The following MARK3 variants were observed in gnomAD, a reference collection of about 807,000 sequenced individuals.
The protein encoded by MARK3 is MAP/microtubule affinity-regulating kinase 3.
Under a neutral mutation model 90.1 loss-of-function variants are expected in MARK3, and 46 were observed. The ratio of observed to expected loss-of-function variants is 0.51; its 90% CI spans 0.40 to 0.65. MARK3 has a LOEUF of 0.65. Ranked by LOEUF, MARK3 falls within the 30% of genes least tolerant of loss-of-function variation. The probability of loss-of-function intolerance (pLI) is 0.00; values close to 1 mark genes in which losing one functional copy is unlikely to be tolerated. For synonymous variants in MARK3, 321 were observed against 332.6 expected, an observed-to-expected ratio of 0.97 and a Z score of 0.38; for missense variants, 818 against 947.2, an observed-to-expected ratio of 0.86 and a Z score of 1.79.
intron 1 of MARK3, among the ~76,000 whole-genome samples, chr14:103,401,603 G>A (rs2090970772): frequency 6.6e-6 from 1 of 152,138 alleles, no homozygotes; most frequent in South Asian, 2.1e-4. Flanking sequence ...TTAAGCACAG[G>A]CAACTAAATG....
intron 12 of MARK3, chr14:103,469,062 G>C (rs1252450655): frequency 6.6e-6 from 1 of 152,092 alleles, no homozygotes. Context: ...TTACAGTTTT[G>C]TGTATCTGTG....
chr14:103,430,383 A>T (rs1035680969), intron 3 of MARK3, among the ~76,000 whole-genome samples: 3 of 12,154 alleles, frequency 2.5e-4, no homozygotes, highest in African/African-American at 3.4e-4. Context: ...ATCTTCCCCC[A>T]CCCCCAGCAA....
intron 4 of MARK3, among the ~76,000 whole-genome samples, chr14:103,449,412 CAAA>C (rs34657716): frequency 2.4e-5 from 2 of 83,992 alleles, no homozygotes; most frequent in African/African-American, 4.7e-5. Context: ...CCCGTCTCTC[CAAA>C]AAAAAAAAAA....
At chr14:103,444,683 A>G (rs2092949668) in intron 3 of MARK3, among the ~76,000 whole-genome samples, 2 of 152,144 alleles carry the variant, frequency 1.3e-5, no homozygotes, top group African/African-American at 4.8e-5. Context: ...AGGCTGAGGC[A>G]GGAGAATGGT....
chr14:103,400,845 T>C (rs759896848), intron 1 of MARK3, among the ~76,000 whole-genome samples: 2 of 145,246 alleles, frequency 1.4e-5, no homozygotes, highest in Non-Finnish European at 3.0e-5. Flanking sequence ...CAGTGAGGTA[T>C]GATCGATCAC....
intron 6 of MARK3, among the ~76,000 whole-genome samples, 155 bp downstream of exon 6, chr14:103,457,367 A>G (rs905425247): frequency 2.6e-5 from 4 of 152,242 alleles, no homozygotes; most frequent in Non-Finnish European, 4.4e-5. Context: ...AGAACTTTTC[A>G]TACCTAAGGC....
intron 6 of MARK3, among the ~76,000 whole-genome samples, chr14:103,460,180 G>C (rs1463542277): frequency 7.5e-6 from 1 of 133,666 alleles, no homozygotes; most frequent in African/African-American, 2.8e-5. Context: ...CCGCCCCCTG[G>C]GTTCACGCCA....
At position 103,465,643 on chromosome 14, in the gene MARK3, C is replaced by G. The variant is rs370963168; in HGVS notation, c.627C>G (p.Leu209=). ...ATGAATTTACTGTTGGCGGTAAACTCGACACGTTTTGTGGCAGTCCTCCAT... is the reference window on the plus strand; with the variant it reads ...ATGAATTTACTGTTGGCGGTAAACTGGACACGTTTTGTGGCAGTCCTCCAT... ...FSNEFTVGGK[L]DTFCGSPPYA... Residue 209 remains leucine, a synonymous_variant, in exon 8 of 18, where the codon CTC becomes CTG. Transcript: ENST00000429436. 6.2e-7 allele frequency: 1 copy of G among 1,614,076 alleles called. No homozygotes were observed.
In MARK3 at chr14:103,465,607, C is replaced by T. The variant is rs1391799529; in HGVS notation, c.591C>T (p.Phe197=). Residue 197 remains phenylalanine, a synonymous_variant, in exon 8 of 18, where the codon TTC becomes TTT. Coordinates refer to ENST00000429436, the MANE Select transcript of MARK3 (RefSeq NM_001128918.3). Reference sequence around the variant, plus strand: ...ATATGAACATTAAAATAGCAGATTTCGGTTTTAGCAATGAATTTACTGTTG... The same window carrying T: ...ATATGAACATTAAAATAGCAGATTTTGGTTTTAGCAATGAATTTACTGTTG... ...DADMNIKIAD[F]GFSNEFTVGG... is the part of the protein sequence containing the mutation. 1.9e-5 allele frequency: 30 copies of T among 1,613,968 alleles called. No individual in the cohort carries two copies. Among genetic ancestry groups the T allele is most frequent in the Non-Finnish European group, 2.4e-5 (28 of 1,180,036 alleles).
intron 14 of MARK3, among the ~76,000 whole-genome samples, chr14:103,488,633 T>C (rs547978343): frequency 2.0e-5 from 3 of 152,028 alleles, no homozygotes; most frequent in Non-Finnish European, 4.4e-5. Context: ...GGCAGAAGGA[T>C]CAGTTGAACC....
intron 5 of MARK3, among the ~76,000 whole-genome samples, chr14:103,456,411 C>T (rs1223037292): frequency 2.6e-5 from 4 of 152,200 alleles, no homozygotes; most frequent in Non-Finnish European, 2.9e-5. Context: ...TCATGAACTA[C>T]CCTCTTCCCC....
At chr14:103,496,566 C>T (rs1444600675) in intron 15 of MARK3, among the ~76,000 whole-genome samples, 1 of 152,066 alleles carries the variant, frequency 6.6e-6, no homozygotes, top group Non-Finnish European at 1.5e-5. Flanking sequence ...GTGCATGTCA[C>T]CACGCCCAGC....
Position 103,385,845 on chromosome 14 carries a change from C to A in MARK3, c.-185C>A, listed in dbSNP as rs1427914325. ...GCCGAGGCAGGGAGAGAATGAGCCCCGGGACCCGCCGGGGGACGGCCCGGG... is the reference window on the plus strand; with the variant it reads ...GCCGAGGCAGGGAGAGAATGAGCCCAGGGACCCGCCGGGGGACGGCCCGGG... On this transcript the variant is annotated 5_prime_UTR_variant, in exon 1 of 18. Transcript: ENST00000429436. 1.9e-6 allele frequency: 1 copy of A among 528,630 alleles called. No individual in the cohort carries two copies. The highest frequency in any genetic ancestry group is 3.3e-6 in the Non-Finnish European group (1 of 299,590). 32.7% of individuals were successfully genotyped at this position (528,630 alleles called of 1,614,324 possible). A position where few individuals can be genotyped will look rare whatever the true frequency, so the allele number is the denominator to read the frequency against.
In MARK3 at chr14:103,427,510, A is replaced by AAAG. The variant is rs748881791; in HGVS notation, c.244-875_244-874insGAA. 2.8e-4 allele frequency among the ~76,000 whole-genome samples: 43 copies of AAAG among 151,084 alleles called. No homozygotes were observed. The Middle Eastern group carries it at 0.01, about 36-fold the overall frequency. On this transcript the variant is annotated intron_variant, in intron 2 of 17. Transcript: ENST00000429436. ...GGGAGACTGTTTCAAAAAAAAAAAA[A>AAAG]AAAGAAACAAAAGAATGGCTGCTCC...
chr14:103,462,243 C>T (rs534954019), intron 6 of MARK3, among the ~76,000 whole-genome samples, 162 bp from the exon 7 acceptor site: 30 of 152,280 alleles, frequency 2.0e-4, no homozygotes, highest in Middle Eastern at 3.4e-3. Flanking sequence ...TGAATTTCTC[C>T]AGACTGGAAA....
intron 2 of MARK3, among the ~76,000 whole-genome samples, chr14:103,418,742 A>T (rs1452835146): frequency 6.6e-6 from 1 of 152,242 alleles, no homozygotes; most frequent in East Asian, 1.9e-4. Flanking sequence ...AAGTTTGGAG[A>T]ATAGAGAAGA....
chr14:103,482,878 T>G (rs1455486860), intron 14 of MARK3, among the ~76,000 whole-genome samples: 1 of 152,226 alleles, frequency 6.6e-6, no homozygotes, highest in African/African-American at 2.4e-5. Flanking sequence ...GTCTCGTTGC[T>G]TCTCTTAGCA....
At position 103,475,407 on chromosome 14, in the gene MARK3, T is replaced by A. The variant is rs544453975; in HGVS notation, c.1482+197T>A. Among the ~76,000 whole-genome samples the A allele has an allele frequency of 2.3e-3, 347 of 152,316 alleles. 1 individual carries two copies. Among genetic ancestry groups the A allele is most frequent in the Non-Finnish European group, 3.4e-3 (231 of 68,016 alleles). ...TTGTTGACACTCTCTTAGTTCATTC[T>A]TGCTGCTGTAACAAAATACCTGAGA... On this transcript the variant is annotated intron_variant, in intron 13 of 17. Transcript: ENST00000429436.
At chr14:103,425,552 C>T (rs569462275) in intron 2 of MARK3, among the ~76,000 whole-genome samples, 1 of 152,142 alleles carries the variant, frequency 6.6e-6, no homozygotes, top group African/African-American at 2.4e-5. Context: ...CCACCTCACC[C>T]GGACAACTCA....
Sources: allele counts gnomAD v4.1 joint callset (sites outside exome capture counted in the v4.1 genomes callset), GRCh38; gene constraint gnomAD v4.1.1; transcripts MANE v1.5; gene names NCBI Gene and HGNC (gene_info 2026-07-23, HGNC 2026-07-21).